GIGYF2: variants seen among roughly 807,000 people sequenced by gnomAD.
GIGYF2 encodes the protein GRB10 interacting GYF protein 2, also known as GRB10-interacting GYF protein 2.
GIGYF2 carries 25 observed loss-of-function variants against 208.1 expected under a neutral mutation model. The ratio of observed to expected loss-of-function variants is 0.12; its 90% CI spans 0.09 to 0.17. The LOEUF is 0.17. Among genes scored for constraint, GIGYF2 ranks in the 10% least tolerant of loss-of-function variants. The probability of loss-of-function intolerance (pLI) is 1.00; values close to 1 mark genes in which losing one functional copy is unlikely to be tolerated. For synonymous variants in GIGYF2, 534 were observed against 543.8 expected (o/e 0.98, Z 0.25); for missense variants, 1,302 against 1,579.4 (o/e 0.82, Z 2.98).
chr2:232,813,264 A>G (rs1293932617), intron 18 of GIGYF2, among the ~76,000 whole-genome samples: 2 of 145,768 alleles, frequency 1.4e-5, no homozygotes, highest in Non-Finnish European at 3.0e-5. Flanking sequence ...TTCTCAGCTC[A>G]TCGCAACCTC....
intron 1 of GIGYF2, chr2:232,698,331 A>G (rs1471664254): frequency 6.6e-6 from 1 of 152,240 alleles, no homozygotes; most frequent in Non-Finnish European, 1.5e-5. Flanking sequence ...TTTAACTTGC[A>G]AGAAATTGAG....
chr2:232,850,148 G>GT, intron 27 of GIGYF2, 114 bp from the exon 28 acceptor site: 1 of 923,330 alleles, frequency 1.1e-6, no homozygotes, highest in Non-Finnish European at 1.8e-6. Flanking sequence ...AAAGCTTTTT[G>GT]TTTTTCTGCT....
intron 5 of GIGYF2, 58 bp downstream of exon 5, chr2:232,749,140 A>G: frequency 1.2e-6 from 1 of 860,340 alleles, no homozygotes; most frequent in Non-Finnish European, 2.0e-6. Flanking sequence ...TAAGGCATGA[A>G]AATAGGAAGT....
chr2:232,730,694 C>G (rs1415900003), intron 2 of GIGYF2, among the ~76,000 whole-genome samples: 1 of 148,346 alleles, frequency 6.7e-6, no homozygotes, highest in Non-Finnish European at 1.5e-5. Flanking sequence ...GTCAGGAGAT[C>G]GAGACCATCC....
intron 17 of GIGYF2, 70 bp from the exon 18 acceptor site, chr2:232,812,321 T>A: frequency 1.3e-6 from 1 of 755,814 alleles, no homozygotes. Flanking sequence ...ATCTAGAAAT[T>A]CCTCTTCATC....
intron 28 of GIGYF2, among the ~76,000 whole-genome samples, chr2:232,851,765 A>G (rs1690342989): frequency 6.6e-6 from 1 of 152,090 alleles, no homozygotes; most frequent in Non-Finnish European, 1.5e-5. Context: ...TGGCTATAAA[A>G]CCATGTTGTC....
intron 5 of GIGYF2, among the ~76,000 whole-genome samples, chr2:232,754,516 A>C (rs1698457852): frequency 6.6e-6 from 1 of 152,204 alleles, no homozygotes. Flanking sequence ...GGTGCATTTG[A>C]GTTTTATATA....
intron 2 of GIGYF2, among the ~76,000 whole-genome samples, chr2:232,707,306 GT>G (rs1696163753): frequency 1.2e-4 from 18 of 152,230 alleles, no homozygotes; most frequent in Admixed American, 1.0e-3. Context: ...TGGTCCTTTG[GT>G]TATACAGACT....
At chr2:232,758,633 A>G (rs1056940880) in intron 6 of GIGYF2, among the ~76,000 whole-genome samples, 4 of 152,200 alleles carry the variant, frequency 2.6e-5, no homozygotes, top group Admixed American at 1.3e-4. Context: ...AAGTTTTAGT[A>G]TCATTAGCAG....
chr2:232,818,134 G>A (rs551801577), intron 20 of GIGYF2, among the ~76,000 whole-genome samples: 22 of 152,252 alleles, frequency 1.4e-4, no homozygotes, highest in African/African-American at 5.3e-4. Context: ...TTTCCCTAAT[G>A]ATTAGTGTTG....
chr2:232,770,455 A>T (rs1331577897), intron 8 of GIGYF2, among the ~76,000 whole-genome samples: 1 of 152,226 alleles, frequency 6.6e-6, no homozygotes, highest in Non-Finnish European at 1.5e-5. Flanking sequence ...TGAAAAGATG[A>T]ACTCATAGGA....
At position 232,737,904 on chromosome 2, in the gene GIGYF2, T is replaced by A. The variant is rs1697802055; in HGVS notation, c.41+2666T>A. ...ACAGACCATGAGTGGCTGTAAGCTTTAACTTTTTTTTTTTTTTTTTTTTTT... is the reference window on the plus strand; with the variant it reads ...ACAGACCATGAGTGGCTGTAAGCTTAAACTTTTTTTTTTTTTTTTTTTTTT... On this transcript the variant is annotated intron_variant, in intron 3 of 28. Coordinates refer to ENST00000373563, the MANE Select transcript of GIGYF2 (RefSeq NM_001103146.3). 2.1e-5 allele frequency among the ~76,000 whole-genome samples: 3 copies of A among 142,656 alleles called. No homozygotes were observed. The South Asian group carries it at 6.8e-4, about 32-fold the overall frequency. 93.6% of individuals were successfully genotyped at this position (142,656 alleles called of 152,430 possible).
chr2:232,815,797 G>A (rs1324035405), intron 19 of GIGYF2, 60 bp downstream of exon 19: 1 of 870,976 alleles, frequency 1.1e-6, no homozygotes, highest in African/African-American at 1.6e-5. Flanking sequence ...CATAAACATT[G>A]CTGTTTATTC....
chr2:232,719,562 A>G (rs765942160), intron 2 of GIGYF2, among the ~76,000 whole-genome samples: 2 of 152,190 alleles, frequency 1.3e-5, no homozygotes, highest in Admixed American at 6.5e-5. Context: ...AAATGTACTC[A>G]GAGGCCCACA....
At position 232,770,157 on chromosome 2, in the gene GIGYF2, A is replaced by G. The variant is rs764349639; in HGVS notation, c.532+8721A>G. Among the ~76,000 whole-genome samples the G allele has an allele frequency of 5.3e-4, 81 of 152,318 alleles. 1 individual carries two copies. The highest frequency in any genetic ancestry group is 1.9e-3 in the African/African-American group (77 of 41,574). ...AGGTTATAGAGCTGGTTGGTAGCAC[A>G]CTGGGATTTCATTCCAGATCATTCT... On this transcript the variant is annotated intron_variant, in intron 8 of 28. Transcript: ENST00000373563.
intron 8 of GIGYF2, chr2:232,765,742 A>G (rs797001702): frequency 5.7e-5 from 18 of 315,432 alleles, no homozygotes; most frequent in African/African-American, 3.7e-4. Flanking sequence ...TTTGGTATGA[A>G]GTACTTGTTA....
chr2:232,799,393 A>T (rs890904332), intron 14 of GIGYF2, among the ~76,000 whole-genome samples: 1 of 151,544 alleles, frequency 6.6e-6, no homozygotes, highest in Non-Finnish European at 1.5e-5. Flanking sequence ...AAAAAAAAAT[A>T]AAAAATTAGC....
At chr2:232,743,829 G>C (rs1698054549) in intron 3 of GIGYF2, among the ~76,000 whole-genome samples, 1 of 152,064 alleles carries the variant, frequency 6.6e-6, no homozygotes, top group Non-Finnish European at 1.5e-5. Flanking sequence ...ATCTCTGATT[G>C]TGTTATTGTG....
rs953344888 is a variant in GIGYF2 at position 232,860,556 on chromosome 2, A to G, written c.*3696A>G. On this transcript the variant is annotated 3_prime_UTR_variant, in exon 29 of 29. Transcript: ENST00000373563. ...AAATGCCCAACTGTGCATTATTAAT[A>G]AAAGTATGTGAATGACTCTAATTAA... The G allele has an allele frequency of 6.6e-6, 1 of 152,150 alleles. No homozygotes were observed. Among genetic ancestry groups the G allele is most frequent in the Non-Finnish European group, 1.5e-5 (1 of 68,024 alleles). The allele number at this position is 152,150 out of a possible 1,614,324, so 9.4% of individuals were successfully genotyped here.
Sources: gnomAD v4.1 joint callset for allele counts (sites outside exome capture counted in the v4.1 genomes callset) on GRCh38, gnomAD v4.1.1 for gene constraint, MANE v1.5 for transcripts, NCBI Gene and HGNC (gene_info 2026-07-23, HGNC 2026-07-21) for gene names.